The following UBE2D3 variants were observed in gnomAD, a reference collection of about 807,000 sequenced individuals.
The protein encoded by UBE2D3 is ubiquitin-conjugating enzyme E2 D3.
In UBE2D3, 2 loss-of-function variants were observed where a neutral mutation model predicts 22.8. The observed-to-expected ratio is 0.09, with a 90% CI of 0.04 to 0.28. The LOEUF is 0.28. Ranked by LOEUF, UBE2D3 falls within the 10% of genes least tolerant of loss-of-function variation. The probability of loss-of-function intolerance (pLI) is 1.00; values close to 1 mark genes in which losing one functional copy is unlikely to be tolerated. For missense variants in UBE2D3, 27 were observed against 182.5 expected (o/e 0.15, Z 4.91); for synonymous variants, 56 against 60.4 (o/e 0.93, Z 0.34).
Position 102,795,153 on chromosome 4 carries a change from T to C in UBE2D3, c.*2262A>G, listed in dbSNP as rs1223375207. ...CCCTTAGAAGCAACAAATGAAATGATGTATAAAGCATCAAGTCAAAGATAC... is the reference window on the plus strand; with the variant it reads ...CCCTTAGAAGCAACAAATGAAATGACGTATAAAGCATCAAGTCAAAGATAC... On this transcript the variant is annotated 3_prime_UTR_variant, in exon 8 of 8. Coordinates refer to ENST00000453744, the MANE Select transcript of UBE2D3 (RefSeq NM_181891.3). 2 of 152,052 alleles carry C rather than the reference T, an allele frequency of 1.3e-5. No individual in the cohort carries two copies. Among genetic ancestry groups the C allele is most frequent in the Non-Finnish European group, 1.5e-5 (1 of 67,950 alleles). 9.4% of individuals were successfully genotyped at this position (152,052 alleles called of 1,614,324 possible).
chr4:102,813,146 G>T (rs1728291260), intron 2 of UBE2D3, among the ~76,000 whole-genome samples: 1 of 152,246 alleles, frequency 6.6e-6, no homozygotes, highest in Non-Finnish European at 1.5e-5. Flanking sequence ...GATTAAAGTT[G>T]TTTAGTTAAA....
At chr4:102,837,414 T>C (rs1386287408) in intron 1 of UBE2D3, among the ~76,000 whole-genome samples, 1 of 152,262 alleles carries the variant, frequency 6.6e-6, no homozygotes, top group Admixed American at 6.5e-5. Flanking sequence ...TATGGTATAT[T>C]TTACAAGTTG....
intron 1 of UBE2D3, among the ~76,000 whole-genome samples, chr4:102,865,478 ACT>A (rs1412961207): frequency 1.4e-5 from 2 of 144,936 alleles, no homozygotes; most frequent in South Asian, 2.2e-4. Flanking sequence ...GGCAACAGAG[ACT>A]CTGTCTCAAC....
At chr4:102,810,717 A>T (rs1210926248) in intron 2 of UBE2D3, 1 of 152,174 alleles carries the variant, frequency 6.6e-6, no homozygotes, top group Non-Finnish European at 1.5e-5. Context: ...TATTTCCAAC[A>T]AGTATGTAGT....
intron 4 of UBE2D3, among the ~76,000 whole-genome samples, chr4:102,803,564 C>T (rs1427511805): frequency 6.6e-6 from 1 of 152,152 alleles, no homozygotes; most frequent in Non-Finnish European, 1.5e-5. Context: ...TTAATCTAAC[C>T]CCTTGCTATA....
At chr4:102,847,812 TA>T (rs1484483145) in intron 1 of UBE2D3, among the ~76,000 whole-genome samples, 1 of 151,710 alleles carries the variant, frequency 6.6e-6, no homozygotes. Context: ...CGCAGCTAAT[TA>T]AAAAAAAATT....
chr4:102,846,759 C>A (rs562519988), intron 1 of UBE2D3, among the ~76,000 whole-genome samples: 110 of 152,208 alleles, frequency 7.2e-4, no homozygotes, highest in Middle Eastern at 3.4e-3. Flanking sequence ...CCCACCTCAA[C>A]CTTCTGAGTA....
Position 102,794,397 on chromosome 4 carries a change from G to T in UBE2D3, c.*3018C>A, listed in dbSNP as rs1444683533. 6.6e-6 allele frequency: 1 copy of T among 152,082 alleles called. No homozygotes were observed. Among genetic ancestry groups the T allele is most frequent in the Non-Finnish European group, 1.5e-5 (1 of 67,972 alleles). 9.4% of individuals were successfully genotyped at this position (152,082 alleles called of 1,614,324 possible). On this transcript the variant is annotated 3_prime_UTR_variant, in exon 8 of 8. Transcript: ENST00000453744. The stretch of plus-strand genomic sequence containing the variant: ...TAAGACCAAAGTGTCTTTAAACACA[G>T]ACTTTAATGGTAACAATTCCTTTAA...
chr4:102,820,629 T>C (rs1729451842), intron 2 of UBE2D3, among the ~76,000 whole-genome samples: 1 of 152,204 alleles, frequency 6.6e-6, no homozygotes, highest in Admixed American at 6.5e-5. Flanking sequence ...AAAGCCATTC[T>C]TTTGTAAGCA....
At chr4:102,852,086 G>T (rs1261085178) in intron 1 of UBE2D3, among the ~76,000 whole-genome samples, 3 of 152,124 alleles carry the variant, frequency 2.0e-5, no homozygotes, top group African/African-American at 7.2e-5. Flanking sequence ...GGAAATGGTG[G>T]CTCCAACTTC....
At chr4:102,819,497 T>C in intron 2 of UBE2D3, 5 of 926,948 alleles carry the variant, frequency 5.4e-6, no homozygotes, top group African/African-American at 1.8e-5. Context: ...TTTCTTTCAA[T>C]GACAGCCAGT....
upstream of UBE2D3, chr4:102,827,699 C>G: frequency 1.0e-6 from 1 of 978,412 alleles, no homozygotes; most frequent in Non-Finnish European, 1.2e-6. Flanking sequence ...CGAGTGAATA[C>G]GTGTCAAGCC....
upstream of UBE2D3, chr4:102,827,874 A>G: frequency 1.0e-6 from 1 of 985,588 alleles, no homozygotes; most frequent in Non-Finnish European, 1.2e-6. Context: ...CATGGGAGGA[A>G]GGTAAAGGAA....
chr4:102,815,027 A>G (rs1728594425), intron 2 of UBE2D3, among the ~76,000 whole-genome samples: 1 of 152,014 alleles, frequency 6.6e-6, no homozygotes, highest in Non-Finnish European at 1.5e-5. Flanking sequence ...AAAATGTCTG[A>G]ACAAAAATAT....
At chr4:102,819,193 G>A (rs908981657) in intron 2 of UBE2D3, among the ~76,000 whole-genome samples, 2 of 152,028 alleles carry the variant, frequency 1.3e-5, no homozygotes, top group African/African-American at 4.8e-5. Context: ...AGCCGGGCAT[G>A]ATGGCGGGTG....
intron 2 of UBE2D3, chr4:102,819,680 C>G (rs1273579360): frequency 2.7e-6 from 2 of 735,474 alleles, no homozygotes; most frequent in Non-Finnish European, 3.3e-6. Context: ...ATGGATTCTA[C>G]CTTTAAGACA....
chr4:102,802,804 T>A, intron 4 of UBE2D3, 166 bp from the exon 5 acceptor site: 1 of 442,024 alleles, frequency 2.3e-6, no homozygotes, highest in East Asian at 3.5e-5. Context: ...AGAAAAAAAC[T>A]TAAAACTTAT....
chr4:102,799,290 C>T (rs1725747637), intron 7 of UBE2D3, 117 bp downstream of exon 7: 1 of 809,128 alleles, frequency 1.2e-6, no homozygotes, highest in Admixed American at 2.9e-5. Context: ...ATAGCTTTCT[C>T]CATATTTTAA....
intron 4 of UBE2D3, among the ~76,000 whole-genome samples, chr4:102,804,025 T>C (rs115796750): frequency 0.01 from 1,563 of 152,104 alleles, 34 homozygotes; most frequent in African/African-American, 0.035. Context: ...CATCTCGGCC[T>C]CCCAAAATGT....
Sources: allele counts gnomAD v4.1 joint callset (sites outside exome capture counted in the v4.1 genomes callset), GRCh38; gene constraint gnomAD v4.1.1; transcripts MANE v1.5; gene names NCBI Gene and HGNC (gene_info 2026-07-23, HGNC 2026-07-21).